Variants in SFXN4 observed in about 807,000 individuals in gnomAD.
The protein encoded by SFXN4 is sideroflexin-4.
A neutral mutation model predicts 54.6 loss-of-function variants in SFXN4; 48 were observed. That is an observed-to-expected ratio of 0.88 (90% confidence interval 0.70 to 1.12). The LOEUF is 1.12. Among genes scored for constraint, SFXN4 ranks in the 50% most tolerant of loss-of-function variants. SFXN4 has a pLI of 0.00. For missense variants in SFXN4, 383 were observed against 409.2 expected, an observed-to-expected ratio of 0.94 and a Z score of 0.55; for synonymous variants, 130 against 145.5, an observed-to-expected ratio of 0.89 and a Z score of 0.77.
At chr10:119,157,424 G>T (rs760647507) in intron 9 of SFXN4, among the ~76,000 whole-genome samples, 5 of 111,890 alleles carry the variant, frequency 4.5e-5, no homozygotes, top group Admixed American at 1.0e-4. Flanking sequence ...GAGCAAGACT[G>T]TGTCTCAAAA....
rs766478461 is a variant in SFXN4 at position 119,162,349 on chromosome 10, C to T, written c.243G>A (p.Ala81=). The change falls in exon 3 of 14, where the codon GCG becomes GCA. Residue 81 remains alanine, a synonymous_variant. Transcript: ENST00000355697. ...AGCACGTGAAACATACCCTTTGGTCCGCCGAGGCAGGGCTGGAAACATCTT... is the reference window on the plus strand; with the variant it reads ...AGCACGTGAAACATACCCTTTGGTCTGCCGAGGCAGGGCTGGAAACATCTT... The part of the protein sequence containing the change: ...TNEDVSSPAS[A]DQRIQEAWKR... 24 of 1,614,016 alleles carry T rather than the reference C, an allele frequency of 1.5e-5. No homozygotes were observed. The highest frequency in any genetic ancestry group is 3.3e-4 in the Middle Eastern group (2 of 6,062).
chr10:119,158,233 C>G (rs892294461), intron 6 of SFXN4, 171 bp from the exon 7 acceptor site: 8 of 647,464 alleles, frequency 1.2e-5, no homozygotes, highest in African/African-American at 3.6e-5. Context: ...TGAGTGAGCA[C>G]CTGCCAAACA....
Position 119,165,658 on chromosome 10 carries a change from T to G in SFXN4, c.-11A>C, listed in dbSNP as rs1311469949. 6.4e-7 allele frequency: 1 copy of G among 1,556,852 alleles called. No homozygotes were observed. The highest frequency in any genetic ancestry group is 8.6e-7 in the Non-Finnish European group (1 of 1,157,116). ...CTGTTCCAGGGACATTTTGCGCTGG[T>G]TAGAGTGGCCGCCGCCGCCAGGCCG... is the stretch of plus-strand genomic sequence containing the variant. On this transcript the variant is annotated 5_prime_UTR_variant, in exon 1 of 14. Coordinates refer to ENST00000355697, the MANE Select transcript of SFXN4 (RefSeq NM_213649.2).
At position 119,143,805 on chromosome 10, in the gene SFXN4, G is replaced by A. The variant is rs185037859; in HGVS notation, c.936+2431C>T. ...TTTTTAGAACATTTTATGTAGAGAC[G>A]AGGTCTCACTACATTCCCCAGGCTG... is the stretch of plus-strand genomic sequence containing the variant. On this transcript the variant is annotated intron_variant, in intron 13 of 13. Transcript: ENST00000355697. Among the ~76,000 whole-genome samples the A allele has an allele frequency of 9.2e-5, 14 of 152,092 alleles. No homozygotes were observed. The East Asian group carries it at 2.5e-3, about 27-fold the overall frequency.
At chr10:119,142,023 G>A (rs1846548597) in intron 13 of SFXN4, among the ~76,000 whole-genome samples, 1 of 151,934 alleles carries the variant, frequency 6.6e-6, no homozygotes, top group Non-Finnish European at 1.5e-5. Flanking sequence ...GCAATATAGT[G>A]GGACCCTATC....
intron 2 of SFXN4, among the ~76,000 whole-genome samples, chr10:119,163,752 G>A (rs1847648770): frequency 6.6e-6 from 1 of 151,968 alleles, no homozygotes; most frequent in South Asian, 2.1e-4. Context: ...TCATTTAGAA[G>A]GAATAAACAC....
chr10:119,143,856 T>A (rs1589621505), intron 13 of SFXN4, among the ~76,000 whole-genome samples: 1 of 152,252 alleles, frequency 6.6e-6, no homozygotes, highest in Middle Eastern at 3.4e-3. Context: ...CCTCAAGCAA[T>A]CTTCCCACGT....
chr10:119,141,046 A>G lies in SFXN4; in HGVS notation c.*196T>C, dbSNP rs917442175. ...GGGGTGTCAGACGGGGCACCCTCCC[A>G]CTGTCTTCTCCAGCCAGCCTTAAAA... On this transcript the variant is annotated 3_prime_UTR_variant, in exon 14 of 14. Transcript: ENST00000355697. 2 of 489,244 alleles carry G rather than the reference A, an allele frequency of 4.1e-6. No homozygotes were observed. The highest frequency in any genetic ancestry group is 7.3e-6 in the Non-Finnish European group (2 of 272,292). The allele number at this position is 489,244 out of a possible 1,614,324, so 30.3% of individuals were successfully genotyped here.
At chr10:119,162,070 C>G in intron 3 of SFXN4, 1 of 463,474 alleles carries the variant, frequency 2.2e-6, no homozygotes, top group Non-Finnish European at 3.8e-6. Flanking sequence ...CCACAAATAT[C>G]CACTGTGTAG....
chr10:119,152,491 G>A (rs1037283597), intron 11 of SFXN4, among the ~76,000 whole-genome samples: 3 of 152,122 alleles, frequency 2.0e-5, no homozygotes, highest in African/African-American at 7.2e-5. Context: ...TGTTGGCCAG[G>A]CTGGTCTCGA....
rs1410144838 is a variant in SFXN4 at position 119,156,766 on chromosome 10, A to G, written c.538-10T>C. ...CAAACTGAGGGATTACCTAGAAAAG[A>G]AGAGAGAAAAATCATTATTTCATGG... On this transcript the variant is annotated splice_polypyrimidine_tract_variant and intron_variant, in intron 9 of 13. Coordinates refer to ENST00000355697, the MANE Select transcript of SFXN4 (RefSeq NM_213649.2). 6.3e-7 allele frequency: 1 copy of G among 1,595,624 alleles called. No homozygotes were observed. Among genetic ancestry groups the G allele is most frequent in the Admixed American group, 1.7e-5 (1 of 58,778 alleles).
intron 6 of SFXN4, 125 bp from the exon 7 acceptor site, chr10:119,158,187 T>C (rs1414381620): frequency 1.1e-6 from 1 of 883,402 alleles, no homozygotes; most frequent in South Asian, 1.4e-5. Flanking sequence ...GAGAGGATGG[T>C]GGTGGGTACA....
rs776326517 is a variant in SFXN4 at position 119,155,186 on chromosome 10, G to A, written c.617-9C>T. 6.4e-5 allele frequency: 100 copies of A among 1,564,810 alleles called. No individual in the cohort carries two copies. Among genetic ancestry groups the A allele is most frequent in the Non-Finnish European group, 7.8e-5 (88 of 1,135,354 alleles). ...CATTCCACTGGCTTGCACTGTAGAT[G>A]TAAAGAAGTAAAGAACACCCAAGAC... On this transcript the variant is annotated splice_polypyrimidine_tract_variant and intron_variant, in intron 10 of 13. Transcript: ENST00000355697.
chr10:119,165,589 G>C lies in SFXN4; in HGVS notation c.59C>G (p.Ala20Gly). 1 of 1,594,282 alleles carries C rather than the reference G, an allele frequency of 6.3e-7. No individual in the cohort carries two copies. Among genetic ancestry groups the C allele is most frequent in the Admixed American group, 1.7e-5 (1 of 58,642 alleles). ...GTTGGGCTCAATGAAGGCGGGGACG[G>C]CGTCTCTGCGTCCTAGGAGCCGCCC... Reference protein sequence around the residue: ...QPGRLLGRRDAVPAFIEPNVR... With the variant: ...QPGRLLGRRDGVPAFIEPNVR... The change falls in exon 1 of 14, where the codon GCC (alanine) becomes GGC (glycine). Residue 20 changes from alanine (A) to glycine (G), a missense_variant. Ala to Gly is a moderately conservative substitution (Grantham distance 60). Transcript: ENST00000355697.
At chr10:119,148,182 C>T (rs2133580589) in intron 11 of SFXN4, among the ~76,000 whole-genome samples, 1 of 152,060 alleles carries the variant, frequency 6.6e-6, no homozygotes, top group East Asian at 1.9e-4. Context: ...AAAAAAGAAA[C>T]TTAGTACAGG....
At chr10:119,143,839 C>G (rs1475504552) in intron 13 of SFXN4, among the ~76,000 whole-genome samples, 1 of 152,146 alleles carries the variant, frequency 6.6e-6, no homozygotes. Context: ...TGGTCTGGAA[C>G]TCCTGGCCTC....
intron 11 of SFXN4, among the ~76,000 whole-genome samples, chr10:119,153,245 T>C (rs1056906559): frequency 4.0e-5 from 6 of 151,666 alleles, no homozygotes; most frequent in African/African-American, 1.5e-4. Flanking sequence ...ACCCCATGTC[T>C]ATAAAAAGCA....
chr10:119,156,589 G>A, intron 10 of SFXN4, 89 bp downstream of exon 10: 3 of 1,029,040 alleles, frequency 2.9e-6, no homozygotes, highest in Non-Finnish European at 1.5e-6. Context: ...AATGTGCCAA[G>A]GGAGCCAGGT....
chr10:119,148,460 C>T (rs1339359100), intron 11 of SFXN4, among the ~76,000 whole-genome samples: 1 of 152,100 alleles, frequency 6.6e-6, no homozygotes, highest in African/African-American at 2.4e-5. Flanking sequence ...AATGGTTCCT[C>T]AGTGGAAATG....
Sources: gnomAD v4.1 joint callset for allele counts (sites outside exome capture counted in the v4.1 genomes callset) on GRCh38, gnomAD v4.1.1 for gene constraint, MANE v1.5 for transcripts, NCBI Gene and HGNC (gene_info 2026-07-23, HGNC 2026-07-21) for gene names.